Variants in CEP164 observed in about 807,000 individuals in gnomAD.
CEP164 encodes centrosomal protein 164, also known as centrosomal protein of 164 kDa.
In CEP164, 162 loss-of-function variants were observed where a neutral mutation model predicts 182.7. The observed-to-expected ratio is 0.89, with a 90% CI of 0.78 to 1.01. CEP164 has a LOEUF of 1.01. Ranked by LOEUF, CEP164 falls within the 50% of genes least tolerant of loss-of-function variation. CEP164 has a pLI of 0.00. For synonymous variants in CEP164, 661 were observed against 690.0 expected, an observed-to-expected ratio of 0.96 and a Z score of 0.66; for missense variants, 1,735 against 1,790.4, an observed-to-expected ratio of 0.97 and a Z score of 0.56.
chr11:117,327,450 CG>C (rs1357109367), upstream of CEP164, among the ~76,000 whole-genome samples: 1 of 149,496 alleles, frequency 6.7e-6, no homozygotes, highest in Non-Finnish European at 1.5e-5. Flanking sequence ...CGTCTAAACT[CG>C]GGGTCCTCTT....
intron 27 of CEP164, among the ~76,000 whole-genome samples, chr11:117,398,412 C>T (rs187585199): frequency 6.6e-6 from 1 of 152,324 alleles, no homozygotes; most frequent in Non-Finnish European, 1.5e-5. Context: ...TTCTGGGGGT[C>T]TGGAGGACGG....
chr11:117,363,539 C>T, intron 8 of CEP164, 33 bp downstream of exon 8: 1 of 1,478,756 alleles, frequency 6.8e-7, no homozygotes, highest in Non-Finnish European at 9.4e-7. Context: ...GCACATGTGT[C>T]AGCCTGGCAT....
chr11:117,401,364 T>C (rs181664235), intron 27 of CEP164, among the ~76,000 whole-genome samples: 11 of 152,346 alleles, frequency 7.2e-5, no homozygotes, highest in Admixed American at 2.6e-4. Context: ...ATAAGCTTTT[T>C]GATGTGCTGC....
At chr11:117,334,490 G>A (rs1176342193) in intron 1 of CEP164, among the ~76,000 whole-genome samples, 1 of 152,198 alleles carries the variant, frequency 6.6e-6, no homozygotes, top group African/African-American at 2.4e-5. Context: ...TGATCTTTAA[G>A]TAGTTAAATA....
At chr11:117,336,218 T>C (rs1267080613) in intron 2 of CEP164, 1 of 1,593,702 alleles carries the variant, frequency 6.3e-7, no homozygotes, top group Non-Finnish European at 8.6e-7. Context: ...GAATCGCTGC[T>C]GGAAGAGGAG....
intron 27 of CEP164, among the ~76,000 whole-genome samples, chr11:117,407,662 ATCAT>A (rs2046868201): frequency 6.6e-6 from 1 of 152,024 alleles, no homozygotes; most frequent in African/African-American, 2.4e-5. Context: ...AAAAACAATA[ATCAT>A]AATAAATAAT....
intron 1 of CEP164, among the ~76,000 whole-genome samples, chr11:117,330,353 G>A (rs920778427): frequency 1.3e-5 from 2 of 152,164 alleles, no homozygotes; most frequent in African/African-American, 4.8e-5. Context: ...GGCCCATGGT[G>A]GGTGTTCAGT....
At chr11:117,370,658 C>T (rs569835542) in intron 8 of CEP164, among the ~76,000 whole-genome samples, 26 of 152,274 alleles carry the variant, frequency 1.7e-4, no homozygotes, top group African/African-American at 6.0e-4. Flanking sequence ...CGCCTGTAAT[C>T]CCAGCACTTT....
chr11:117,389,868 T>A (rs910763257), intron 15 of CEP164, among the ~76,000 whole-genome samples: 1 of 150,840 alleles, frequency 6.6e-6, no homozygotes, highest in African/African-American at 2.4e-5. Context: ...CATGCTGAGG[T>A]GAAGCTGTTG....
At position 117,371,471 on chromosome 11, in the gene CEP164, G is replaced by A. The variant is rs776869429; in HGVS notation, c.1152+5G>A. On this transcript the variant is annotated splice_donor_5th_base_variant and intron_variant, in intron 9 of 32. Coordinates refer to ENST00000278935, the MANE Select transcript of CEP164 (RefSeq NM_014956.5). ...GGCAGTTCAGACGCCAGCCAAGTAA[G>A]TCACTGTATCCCATAGGCAGGGGTT... is the stretch of plus-strand genomic sequence containing the variant. The A allele has an allele frequency of 1.2e-6, 2 of 1,604,602 alleles. No homozygotes were observed. Among genetic ancestry groups the A allele is most frequent in the Non-Finnish European group, 1.7e-6 (2 of 1,175,984 alleles).
intron 5 of CEP164, chr11:117,356,542 C>T: frequency 2.3e-6 from 3 of 1,289,434 alleles, no homozygotes; most frequent in Non-Finnish European, 3.0e-6. Flanking sequence ...GCAGCACCCT[C>T]AGGCAGGGGC....
chr11:117,355,047 G>A (rs894214752), intron 5 of CEP164: 5 of 1,289,678 alleles, frequency 3.9e-6, no homozygotes, highest in South Asian at 3.7e-5. Context: ...CAGGCTATAA[G>A]TGAGGGATCC....
Position 117,375,719 on chromosome 11 carries a change from T to C in CEP164, c.1245T>C (p.Phe415=), listed in dbSNP as rs555876739. Reference sequence around the variant, plus strand: ...TCCACTGTCTCCAGGACTTCGGTTTTCGCAGCCGGATCTCGGAGCACCTGC... The same window carrying C: ...TCCACTGTCTCCAGGACTTCGGTTTCCGCAGCCGGATCTCGGAGCACCTGC... The part of the protein sequence containing the change: ...PKSFHGLDFG[F]RSRISEHLLD... The change falls in exon 11 of 33, where the codon TTT becomes TTC. Residue 415 remains phenylalanine, a synonymous_variant. Transcript: ENST00000278935. The C allele has an allele frequency of 7.1e-5, 114 of 1,614,132 alleles. No individual in the cohort carries two copies. In the South Asian group the frequency reaches 1.2e-3, roughly 17 times the overall value.
intron 27 of CEP164, among the ~76,000 whole-genome samples, chr11:117,397,610 G>T (rs1592411610): frequency 6.6e-6 from 1 of 152,206 alleles, no homozygotes; most frequent in African/African-American, 2.4e-5. Flanking sequence ...CATGGCTGGG[G>T]AGGCCTCAGA....
At chr11:117,383,064 G>A (rs2043523254) in intron 14 of CEP164, 122 bp downstream of exon 14, 2 of 1,131,130 alleles carry the variant, frequency 1.8e-6, no homozygotes, top group African/African-American at 3.1e-5. Context: ...AGAGTGTAGG[G>A]AGATTAAGCA....
chr11:117,394,791 C>A lies in CEP164; in HGVS notation c.2761-129C>A. ...GAGCCTTCCTGGGAGGCTGCAGGGG[C>A]ACACAGCGAGGAAGCCTGAGCCCAG... On this transcript the variant is annotated intron_variant, in intron 21 of 32. Coordinates refer to ENST00000278935, the MANE Select transcript of CEP164 (RefSeq NM_014956.5). This position sits in a 1 kb window ranked among gnomAD's most constrained non-coding sequence, Gnocchi z 4.0. 9.9e-7 allele frequency: 1 copy of A among 1,005,868 alleles called. No individual in the cohort carries two copies. Among genetic ancestry groups the A allele is most frequent in the Non-Finnish European group, 1.5e-6 (1 of 661,326 alleles). The allele number at this position is 1,005,868 out of a possible 1,614,324, so 62.3% of individuals were successfully genotyped here. A position where few individuals can be genotyped will look rare whatever the true frequency, so the allele number is the denominator to read the frequency against.
intron 5 of CEP164, among the ~76,000 whole-genome samples, chr11:117,352,879 G>A (rs1218987908): frequency 6.6e-6 from 1 of 152,182 alleles, no homozygotes; most frequent in Non-Finnish European, 1.5e-5. Context: ...GAGCTACCAC[G>A]CCCAGCCTGA....
Position 117,392,523 on chromosome 11 carries a change from C to T in CEP164, c.2389C>T (p.Gln797Ter). 1 of 1,614,134 alleles carries T rather than the reference C, an allele frequency of 6.2e-7. No homozygotes were observed. Among genetic ancestry groups the T allele is most frequent in the Non-Finnish European group, 8.5e-7 (1 of 1,180,024 alleles). ...EVVSSLQKKI[Q>*]EAQQKEEAQL... ...GGTCTCCAGCCTCCAGAAGAAGATA[C>T]AGGAAGCTCAACAGAAAGAGGAGGC... Residue 797 changes from glutamine to a stop codon, truncating the protein, a stop_gained, in exon 19 of 33, where the codon CAG becomes TAG. Coordinates refer to ENST00000278935, the MANE Select transcript of CEP164 (RefSeq NM_014956.5). LOFTEE classifies it high-confidence loss of function.
In CEP164 at chr11:117,391,040, TG is replaced by T. The variant is rs944385920; in HGVS notation, c.2110del (p.Glu704SerfsTer26). On this transcript the variant is annotated frameshift_variant, in exon 17 of 33. Coordinates refer to ENST00000278935, the MANE Select transcript of CEP164 (RefSeq NM_014956.5). LOFTEE classifies it high-confidence loss of function. ...EASLQKLREE[L>X]ESQQKAERAS... The stretch of plus-strand genomic sequence containing the variant: ...TCCCTGCAGAAACTGAGAGAAGAGT[TG>T]GAGTCTCAACAGAAGGCTGAGAGGG... 7 of 1,613,824 alleles carry T rather than the reference TG, an allele frequency of 4.3e-6. No individual in the cohort carries two copies. Among genetic ancestry groups the T allele is most frequent in the Admixed American group, 1.7e-5 (1 of 59,978 alleles).
Sources: gnomAD v4.1 joint callset for allele counts (sites outside exome capture counted in the v4.1 genomes callset) on GRCh38, gnomAD v4.1.1 for gene constraint, Gnocchi (gnomAD v3.1) non-coding constraint, MANE v1.5 for transcripts, NCBI Gene and HGNC (gene_info 2026-07-23, HGNC 2026-07-21) for gene names.